Variants in DMKN observed in about 807,000 individuals in gnomAD.
DMKN encodes the protein epidermis-specific secreted protein SK30/SK89.
A neutral mutation model predicts 67.6 loss-of-function variants in DMKN; 58 were observed. That is an observed-to-expected ratio of 0.86 (90% CI 0.69 to 1.07). The LOEUF (loss-of-function observed/expected upper bound fraction) is 1.07. Ranked by LOEUF, DMKN falls within the 50% of genes least tolerant of loss-of-function variation. DMKN has a pLI of 0.00. For missense variants in DMKN, 596 were observed against 601.5 expected, an observed-to-expected ratio of 0.99 and a Z score of 0.10; for synonymous variants, 240 against 232.3, an observed-to-expected ratio of 1.03 and a Z score of -0.30.
At chr19:35,499,895 G>T (rs963380106) in intron 13 of DMKN, 63 bp downstream of exon 13, 13 of 1,575,974 alleles carry the variant, frequency 8.2e-6, no homozygotes, top group African/African-American at 1.4e-5. Context: ...GGCAGTGAAA[G>T]CCTCTCTCCC....
chr19:35,508,988 G>A (rs906649036), intron 7 of DMKN, among the ~76,000 whole-genome samples: 4 of 152,024 alleles, frequency 2.6e-5, no homozygotes, highest in South Asian at 4.1e-4. Context: ...AGGCAGAGGC[G>A]GACAGATCAC....
Position 35,502,812 on chromosome 19 carries a change from C to A in DMKN, c.1191+18G>T. 6.2e-7 allele frequency: 1 copy of A among 1,613,916 alleles called. No homozygotes were observed. The highest frequency in any genetic ancestry group is 1.1e-5 in the South Asian group (1 of 91,070). On this transcript the variant is annotated intron_variant, in intron 10 of 15. Transcript: ENST00000339686. ...AGGGCCAGGCCCCCAGTTCTTCAAACAGCAAGAATTCTCCTACCTCCCAGA... is the reference window on the plus strand; with the variant it reads ...AGGGCCAGGCCCCCAGTTCTTCAAAAAGCAAGAATTCTCCTACCTCCCAGA...
At chr19:35,510,653 G>C (rs914836955) in intron 5 of DMKN, 393 of 1,206,096 alleles carry the variant, frequency 3.3e-4, no homozygotes, top group Non-Finnish European at 4.2e-4. Context: ...AGATGGGGGA[G>C]AGGAGGATCA....
At chr19:35,510,007 A>C (rs367797306) in intron 6 of DMKN, 46 bp from the exon 7 acceptor site, 302 of 1,611,424 alleles carry the variant, frequency 1.9e-4, no homozygotes, top group Non-Finnish European at 2.4e-4. Flanking sequence ...CCCCTCCCAG[A>C]CCAGTCCCAG....
intron 9 of DMKN, among the ~76,000 whole-genome samples, chr19:35,504,211 C>T (rs190588388): frequency 4.3e-4 from 65 of 152,254 alleles, no homozygotes; most frequent in African/African-American, 1.4e-3. Context: ...GTATGTGCCC[C>T]GGCTCTCCCA....
chr19:35,500,731 G>A, intron 11 of DMKN, 151 bp from the exon 12 acceptor site: 1 of 863,936 alleles, frequency 1.2e-6, no homozygotes, highest in Non-Finnish European at 1.7e-6. Flanking sequence ...GGCCCAGATA[G>A]ATAGAAGACA....
chr19:35,512,536 A>C, intron 2 of DMKN, 54 bp downstream of exon 2: 1 of 1,614,050 alleles, frequency 6.2e-7, no homozygotes, highest in Non-Finnish European at 8.5e-7. Flanking sequence ...CACGCGGAGC[A>C]TGTGGGCTTG....
At chr19:35,503,156 C>A in intron 9 of DMKN, 1 of 1,245,294 alleles carries the variant, frequency 8.0e-7, no homozygotes. Flanking sequence ...TCTAGCAAAA[C>A]CTCAAGACTA....
Position 35,508,100 on chromosome 19 carries a change from C to T in DMKN, c.1038+1811G>A. 5 of 1,433,080 alleles carry T rather than the reference C, an allele frequency of 3.5e-6. No homozygotes were observed. The South Asian group carries it at 6.3e-5, about 18-fold the overall frequency. 88.8% of individuals were successfully genotyped at this position (1,433,080 alleles called of 1,614,324 possible). ...TCCCAGAGCTCTCAGGTAGACCTGGCAGGGATGTGGGACCACCTGTCTGCC... is the reference window on the plus strand; with the variant it reads ...TCCCAGAGCTCTCAGGTAGACCTGGTAGGGATGTGGGACCACCTGTCTGCC... On this transcript the variant is annotated intron_variant, in intron 7 of 15. Transcript: ENST00000339686.
chr19:35,506,002 G>A lies in DMKN; in HGVS notation c.1039-16C>T. On this transcript the variant is annotated splice_polypyrimidine_tract_variant and intron_variant, in intron 7 of 15. Transcript: ENST00000339686. ...TCTCAGAGTTCTATGGAACCAAGGA[G>A]ATATGGGATGAGAGAAGAACCCACT... The A allele has an allele frequency of 6.2e-7, 1 of 1,614,196 alleles. No homozygotes were observed. The highest frequency in any genetic ancestry group is 8.5e-7 in the Non-Finnish European group (1 of 1,180,034).
chr19:35,513,185 G>C lies in DMKN; in HGVS notation c.291C>G (p.Asn97Lys). ...PGFGVADALG[N>K]RVGEAAHALG... is the part of the protein sequence containing the mutation. ...GAGCATGGGCTGCTTCCCCGACCCTGTTGCCCAAAGCATCTGCTACGCCAA... is the reference window on the plus strand; with the variant it reads ...GAGCATGGGCTGCTTCCCCGACCCTCTTGCCCAAAGCATCTGCTACGCCAA... The change falls in exon 1 of 16, where the codon AAC (asparagine) becomes AAG (lysine). Residue 97 changes from asparagine to lysine, a missense_variant. Asn to Lys is a moderately conservative substitution (Grantham distance 94, BLOSUM62 0). Transcript: ENST00000339686. 3 of 1,614,168 alleles carry C rather than the reference G, an allele frequency of 1.9e-6. No individual in the cohort carries two copies. The highest frequency in any genetic ancestry group is 2.5e-6 in the Non-Finnish European group (3 of 1,180,010).
intron 9 of DMKN, chr19:35,503,164 C>G: frequency 7.8e-7 from 1 of 1,285,828 alleles, no homozygotes; most frequent in Non-Finnish European, 1.0e-6. Context: ...AACCTCAAGA[C>G]TAGGACCTGC....
chr19:35,498,846 C>T, intron 14 of DMKN, 28 bp downstream of exon 14: 7 of 1,614,196 alleles, frequency 4.3e-6, no homozygotes, highest in South Asian at 1.1e-5. Context: ...TCTCTCCAGC[C>T]AGATGAAGAT....
intron 13 of DMKN, 131 bp downstream of exon 13, chr19:35,499,827 G>A (rs1044889423): frequency 6.8e-6 from 6 of 887,744 alleles, no homozygotes; most frequent in African/African-American, 6.7e-5. Context: ...AAGGGGTGGG[G>A]AGGCCTGGAC....
chr19:35,510,451 G>T (rs767670061), intron 5 of DMKN, 199 bp from the exon 6 acceptor site: 2 of 1,552,162 alleles, frequency 1.3e-6, no homozygotes, highest in Non-Finnish European at 1.7e-6. Flanking sequence ...TGTGGCCGAG[G>T]GTATTCGGAA....
At chr19:35,511,098 T>C (rs2070677522) in intron 5 of DMKN, among the ~76,000 whole-genome samples, 1 of 152,184 alleles carries the variant, frequency 6.6e-6, no homozygotes, top group South Asian at 2.1e-4. Flanking sequence ...CCCCACGGTC[T>C]CCTGAGACTT....
chr19:35,498,893 C>T lies in DMKN; in HGVS notation c.1364G>A (p.Gly455Glu). Residue 455 changes from glycine (G) to glutamate (E), a missense_variant, in exon 14 of 16, where the codon GGA becomes GAA. Physicochemically the swap from Gly to Glu is moderately conservative, Grantham distance 98. Coordinates refer to ENST00000339686, the MANE Select transcript of DMKN (RefSeq NM_033317.5). ...ACTCACCGAGGAAGAAGGTGAGACT[C>T]CCCCCTGCAAAAAGATCAAAGGAAA... The part of the protein sequence containing the change: ...KYSVKTPAKG[G>E]VSPSSSASRV... 6.2e-7 allele frequency: 1 copy of T among 1,614,106 alleles called. No homozygotes were observed. Among genetic ancestry groups the T allele is most frequent in the Non-Finnish European group, 8.5e-7 (1 of 1,180,000 alleles).
chr19:35,510,685 G>A (rs1165506582), intron 5 of DMKN, among the ~76,000 whole-genome samples: 6 of 152,218 alleles, frequency 3.9e-5, no homozygotes, highest in African/African-American at 1.2e-4. Context: ...GCGCATGAGA[G>A]CAGCTCAGGT....
At chr19:35,507,614 G>T (rs1329849658) in intron 7 of DMKN, 8 of 976,006 alleles carry the variant, frequency 8.2e-6, no homozygotes, top group South Asian at 1.4e-5. Flanking sequence ...TGAATCGGGG[G>T]ACTGAGACAT....
Sources: allele counts gnomAD v4.1 joint callset (sites outside exome capture counted in the v4.1 genomes callset), GRCh38; gene constraint gnomAD v4.1.1; transcripts MANE v1.5; gene names NCBI Gene and HGNC (gene_info 2026-07-23, HGNC 2026-07-21).